Variants in CMTM7 observed in about 807,000 individuals in gnomAD.
CMTM7 encodes the protein CKLF like MARVEL transmembrane domain containing 7, also known as CKLF-like MARVEL transmembrane domain-containing protein 7.
CMTM7 carries 7 observed loss-of-function variants against 19.3 expected under a neutral mutation model. That is an observed-to-expected ratio of 0.36 (90% CI 0.21 to 0.68). The LOEUF (loss-of-function observed/expected upper bound fraction) is 0.68, where lower values mean the gene tolerates loss of function less well. Among genes scored for constraint, CMTM7 ranks in the 30% least tolerant of loss-of-function variants. The probability of loss-of-function intolerance (pLI) is 0.60; values close to 1 mark genes in which losing one functional copy is unlikely to be tolerated. For synonymous variants in CMTM7, 87 were observed against 99.3 expected (o/e 0.88, Z 0.74); for missense variants, 193 against 232.6 (o/e 0.83, Z 1.11).
chr3:32,405,956 A>G (rs143046299), intron 1 of CMTM7, among the ~76,000 whole-genome samples: 3 of 152,332 alleles, frequency 2.0e-5, no homozygotes, highest in East Asian at 3.9e-4. Context: ...AAGATTCAGA[A>G]TGTACCAAAA....
chr3:32,394,896 A>G lies in CMTM7; in HGVS notation c.159+2831A>G, dbSNP rs368258287. Among the ~76,000 whole-genome samples, 28 of 151,114 alleles carry G rather than the reference A, an allele frequency of 1.9e-4. No individual in the cohort carries two copies. The East Asian group carries it at 4.5e-3, about 24-fold the overall frequency. ...TTTTTAGTAGAGATGGGGTTTCACC[A>G]TGTTGGCCAGGATGGTCTTGATCTC... On this transcript the variant is annotated intron_variant, in intron 1 of 4. Coordinates refer to ENST00000334983, the MANE Select transcript of CMTM7 (RefSeq NM_138410.4).
chr3:32,450,906 A>C (rs1309056595), intron 3 of CMTM7: 10 of 152,222 alleles, frequency 6.6e-5, no homozygotes, highest in Admixed American at 6.5e-4. Flanking sequence ...AGTTAGAAGA[A>C]ATTTTTAAAA....
chr3:32,443,491 T>C (rs1045962012), intron 2 of CMTM7, among the ~76,000 whole-genome samples: 1 of 152,252 alleles, frequency 6.6e-6, no homozygotes, highest in African/African-American at 2.4e-5. Flanking sequence ...TGGGTTGTTT[T>C]TACCTTTTGG....
chr3:32,410,081 G>A (rs1360274309), intron 1 of CMTM7, among the ~76,000 whole-genome samples: 1 of 152,110 alleles, frequency 6.6e-6, no homozygotes, highest in African/African-American at 2.4e-5. Flanking sequence ...CTTCCCCTCT[G>A]GACTGCCCCC....
intron 2 of CMTM7, among the ~76,000 whole-genome samples, chr3:32,444,709 ATTTC>A (rs1696729553): frequency 6.6e-6 from 1 of 152,052 alleles, no homozygotes; most frequent in South Asian, 2.1e-4. Context: ...ATAATCTGTT[ATTTC>A]TTTCAATGTT....
Position 32,454,692 on chromosome 3 carries a change from A to G in CMTM7, c.*438A>G. ...AGCTTGTCAGTCCGGTCTTAGAGAT[A>G]CCCTCTTTCCTGAAGTGAGGCGTGC... On this transcript the variant is annotated 3_prime_UTR_variant, in exon 5 of 5. Transcript: ENST00000334983. 1 of 349,382 alleles carries G rather than the reference A, an allele frequency of 2.9e-6. No homozygotes were observed. The highest frequency in any genetic ancestry group is 5.7e-6 in the Non-Finnish European group (1 of 176,382). The allele number at this position is 349,382 out of a possible 1,614,324, so 21.6% of individuals were successfully genotyped here.
At chr3:32,419,922 C>T (rs2125629716) in intron 1 of CMTM7, among the ~76,000 whole-genome samples, 1 of 152,230 alleles carries the variant, frequency 6.6e-6, no homozygotes, top group South Asian at 2.1e-4. Flanking sequence ...TCTCTTTCCT[C>T]TCTGTGTGGT....
intron 2 of CMTM7, among the ~76,000 whole-genome samples, chr3:32,445,254 T>C (rs577032391): frequency 5.8e-4 from 89 of 152,350 alleles, no homozygotes; most frequent in African/African-American, 2.1e-3. Context: ...AAATATTGAA[T>C]AGAAATGGCA....
At chr3:32,442,043 C>T (rs200769343) in intron 2 of CMTM7, 30 bp downstream of exon 2, 1 of 1,603,916 alleles carries the variant, frequency 6.2e-7, no homozygotes, top group Non-Finnish European at 8.5e-7. Context: ...CTGTCCTCCG[C>T]ATGCACAAGT....
intron 1 of CMTM7, among the ~76,000 whole-genome samples, chr3:32,435,131 C>T (rs551154926): frequency 3.9e-5 from 6 of 152,290 alleles, no homozygotes; most frequent in African/African-American, 7.2e-5. Flanking sequence ...AGACCAGGCA[C>T]GGTGGCTCAC....
chr3:32,412,359 C>T (rs113138227), intron 1 of CMTM7, among the ~76,000 whole-genome samples: 17,878 of 151,876 alleles, frequency 0.12, 1,122 homozygotes, highest in South Asian at 0.17. Flanking sequence ...TGGTGGCGCA[C>T]GCCTCTAGTC....
At chr3:32,416,457 C>T (rs1271922759) in intron 1 of CMTM7, among the ~76,000 whole-genome samples, 1 of 108,244 alleles carries the variant, frequency 9.2e-6, no homozygotes, top group Non-Finnish European at 1.9e-5. Flanking sequence ...GTGGCGCAAT[C>T]TCGGCTCACT....
At chr3:32,454,011 G>A (rs1696872744) in intron 4 of CMTM7, among the ~76,000 whole-genome samples, 1 of 152,196 alleles carries the variant, frequency 6.6e-6, no homozygotes, top group Non-Finnish European at 1.5e-5. Context: ...CTGCTGAGGA[G>A]TAAGACTGAG....
chr3:32,447,471 A>G (rs903479518), intron 2 of CMTM7, among the ~76,000 whole-genome samples: 6 of 152,072 alleles, frequency 3.9e-5, no homozygotes, highest in South Asian at 2.1e-4. Context: ...TGAATCTTCT[A>G]TTTCCTTGTT....
At chr3:32,399,802 C>A (rs888942771) in intron 1 of CMTM7, among the ~76,000 whole-genome samples, 3 of 152,114 alleles carry the variant, frequency 2.0e-5, no homozygotes, top group African/African-American at 7.2e-5. Context: ...TTGACCTCAG[C>A]CCATTCCTGA....
chr3:32,406,996 G>A (rs1229646544), intron 1 of CMTM7, among the ~76,000 whole-genome samples: 1 of 152,210 alleles, frequency 6.6e-6, no homozygotes, highest in Admixed American at 6.5e-5. Flanking sequence ...AGCATAATGA[G>A]TTAGCAGCAG....
intron 1 of CMTM7, among the ~76,000 whole-genome samples, chr3:32,399,564 A>G (rs917463685): frequency 3.3e-5 from 5 of 152,186 alleles, no homozygotes; most frequent in Non-Finnish European, 7.3e-5. Context: ...AGTGGAATTC[A>G]GCTGTGGGGG....
rs996769517 is a variant in CMTM7 at position 32,452,601 on chromosome 3, A to G, written c.514+128A>G. On this transcript the variant is annotated intron_variant, in intron 4 of 4. Coordinates refer to ENST00000334983, the MANE Select transcript of CMTM7 (RefSeq NM_138410.4). ...GTTCCAAGGGGACTTTAGAAGTAGT[A>G]TTAGAGCACAGGGGCCAGCAAAGGG... The G allele has an allele frequency of 7.7e-6, 7 of 907,806 alleles. No homozygotes were observed. In the Admixed American group the frequency reaches 9.6e-5, roughly 12 times the overall value. The allele number at this position is 907,806 out of a possible 1,614,324, so 56.2% of individuals were successfully genotyped here.
chr3:32,425,260 G>A (rs1026213964), intron 1 of CMTM7, among the ~76,000 whole-genome samples: 9 of 151,892 alleles, frequency 5.9e-5, no homozygotes, highest in African/African-American at 1.7e-4. Context: ...GTATTATTTC[G>A]GCTCCTTATA....
Sources: gnomAD v4.1 joint callset for allele counts (sites outside exome capture counted in the v4.1 genomes callset) on GRCh38, gnomAD v4.1.1 for gene constraint, MANE v1.5 for transcripts, NCBI Gene and HGNC (gene_info 2026-07-23, HGNC 2026-07-21) for gene names.